ZCCHC2: variants seen among roughly 807,000 people sequenced by gnomAD.
ZCCHC2 encodes the protein zinc finger CCHC-type containing 2.
Under a neutral mutation model 103.6 loss-of-function variants are expected in ZCCHC2, and 39 were observed. The observed-to-expected ratio is 0.38, with a 90% CI of 0.29 to 0.49. The LOEUF (loss-of-function observed/expected upper bound fraction) is 0.49. Among genes scored for constraint, ZCCHC2 ranks in the 20% least tolerant of loss-of-function variants. ZCCHC2 has a pLI of 0.96. For missense variants in ZCCHC2, 1,483 were observed against 1,491.0 expected (o/e 0.99, Z 0.09); for synonymous variants, 687 against 608.9 (o/e 1.13, Z -1.89).
chr18:62,567,545 G>A (rs1279154204), intron 11 of ZCCHC2, among the ~76,000 whole-genome samples: 2 of 152,186 alleles, frequency 1.3e-5, no homozygotes, highest in African/African-American at 4.8e-5. Flanking sequence ...CGCAGTCAGC[G>A]CCGTCAGCTG....
chr18:62,574,854 G>C lies in ZCCHC2; in HGVS notation c.2773G>C (p.Ala925Pro), dbSNP rs1472622164. The change falls in exon 13 of 14, where the codon GCC becomes CCC. Residue 925 changes from alanine to proline, a missense_variant. Around this residue, in one of 3 missense-constraint regions of ZCCHC2, gnomAD observed 884 missense variants for 907.5 expected, o/e 0.97. Coordinates refer to ENST00000269499, the MANE Select transcript of ZCCHC2 (RefSeq NM_017742.6). ...SYPLPGSPLA[A>P]GVLPSQNSSV... is the part of the protein sequence containing the mutation. ...CCCCTTACCAGGCTCTCCCCTTGCT[G>C]CCGGCGTGTTACCCAGCCAGAACTC... The C allele has an allele frequency of 2.5e-6, 4 of 1,613,746 alleles. No individual in the cohort carries two copies. The East Asian group carries it at 8.9e-5, about 36-fold the overall frequency.
intron 1 of ZCCHC2, among the ~76,000 whole-genome samples, chr18:62,533,264 G>A (rs1431334056): frequency 1.3e-5 from 2 of 152,130 alleles, no homozygotes; most frequent in South Asian, 2.1e-4. Context: ...GGTGGCTTAC[G>A]CCTGTAATCC....
At chr18:62,559,064 T>G (rs1450158994) in intron 7 of ZCCHC2, among the ~76,000 whole-genome samples, 5 of 152,244 alleles carry the variant, frequency 3.3e-5, no homozygotes, top group Admixed American at 3.3e-4. Flanking sequence ...GCAGAAGACA[T>G]TCAAGTGAAT....
intron 1 of ZCCHC2, among the ~76,000 whole-genome samples, chr18:62,532,475 A>G (rs569169911): frequency 2.0e-4 from 30 of 152,220 alleles, no homozygotes; most frequent in Non-Finnish European, 3.8e-4. Flanking sequence ...CTAAAGCAAC[A>G]TTTAATCATA....
At position 62,575,021 on chromosome 18, in the gene ZCCHC2, C is replaced by T. The variant is rs533096174; in HGVS notation, c.2940C>T (p.Thr980=). The change falls in exon 13 of 14, where the codon ACC becomes ACT. Residue 980 remains threonine (T), a synonymous_variant. Coordinates refer to ENST00000269499, the MANE Select transcript of ZCCHC2 (RefSeq NM_017742.6). ...CAAGCCCTGCCTTGACACACAGTAC[C>T]GCGCAGAGTGACAGCACCTCTTACA... is the stretch of plus-strand genomic sequence containing the variant. ...PSPSPALTHS[T]AQSDSTSYIS... 37 of 1,614,000 alleles carry T rather than the reference C, an allele frequency of 2.3e-5. No homozygotes were observed. Among genetic ancestry groups the T allele is most frequent in the East Asian group, 1.3e-4 (6 of 44,880 alleles).
rs765981284 is a variant in ZCCHC2, at chr18:62,570,225, G to T, written c.1969G>T (p.Asp657Tyr). The change falls in exon 12 of 14, where the codon GAC becomes TAC. Residue 657 changes from aspartate to tyrosine, a missense_variant. By Grantham distance (160) the Asp-to-Tyr change is radical. Coordinates refer to ENST00000269499, the MANE Select transcript of ZCCHC2 (RefSeq NM_017742.6). ...RESFESEEEK[D>Y]RDTDSNSEDS... ...AAGTTTTGAAAGTGAAGAAGAGAAA[G>T]ACAGAGGTTTGCTCTTTGAAGTGGG... 6.2e-7 allele frequency: 1 copy of T among 1,611,482 alleles called. No individual in the cohort carries two copies. Among genetic ancestry groups the T allele is most frequent in the South Asian group, 1.1e-5 (1 of 90,356 alleles).
intron 5 of ZCCHC2, 58 bp from the exon 6 acceptor site, chr18:62,556,145 G>T: frequency 7.2e-7 from 1 of 1,383,922 alleles, no homozygotes. Context: ...TTGAAACTGA[G>T]CTTCTTGTGG....
rs764399594 is a variant in ZCCHC2, at chr18:62,574,396, T to C, written c.2315T>C (p.Ile772Thr). 9.3e-6 allele frequency: 15 copies of C among 1,613,910 alleles called. No individual in the cohort carries two copies. The highest frequency in any genetic ancestry group is 1.3e-5 in the Non-Finnish European group (15 of 1,179,904). Residue 772 changes from isoleucine (I) to threonine (T), a missense_variant, in exon 13 of 14, where the codon ATA becomes ACA. Physicochemically the swap from Ile to Thr is moderately conservative, Grantham distance 89 (BLOSUM62 -1). This residue lies in a region of ZCCHC2 where 884 missense variants were observed against 907.5 expected (regional missense o/e 0.97). Transcript: ENST00000269499. The stretch of plus-strand genomic sequence containing the variant: ...TCTGCAAATTCAACCCCTGTTGGAA[T>C]ACTAGGGCCAACAGCTTGCACTGGA... ...RESANSTPVGILGPTACTGES... is the reference protein window; with the variant it reads ...RESANSTPVGTLGPTACTGES...
chr18:62,557,053 G>C (rs1309266379), intron 6 of ZCCHC2, among the ~76,000 whole-genome samples: 1 of 152,082 alleles, frequency 6.6e-6, no homozygotes, highest in African/African-American at 2.4e-5. Flanking sequence ...ACATCCTTTT[G>C]TCATAGCCCA....
downstream of ZCCHC2, among the ~76,000 whole-genome samples, chr18:62,582,668 C>T (rs909809586): frequency 6.6e-6 from 1 of 151,400 alleles, no homozygotes; most frequent in Non-Finnish European, 1.5e-5. Context: ...GACAGTGAGA[C>T]TTCATCTCAA....
At position 62,564,627 on chromosome 18, in the gene ZCCHC2, A is replaced by G. The variant is rs553504792; in HGVS notation, c.1743A>G (p.Gln581=). 7.1e-6 allele frequency: 11 copies of G among 1,543,610 alleles called. No individual in the cohort carries two copies. Among genetic ancestry groups the G allele is most frequent in the South Asian group, 6.1e-5 (5 of 82,558 alleles). The change falls in exon 10 of 14, where the codon CAA becomes CAG. Residue 581 remains glutamine, a synonymous_variant. Transcript: ENST00000269499. ...SSINKKKGKP[Q]TEKEKIKKTD... is the part of the protein sequence containing the mutation. Reference sequence around the variant, plus strand: ...TAAATAAGAAGAAAGGAAAGCCACAAACAGAAAAGTAGGTTCAATTTAAGG... The same window carrying G: ...TAAATAAGAAGAAAGGAAAGCCACAGACAGAAAAGTAGGTTCAATTTAAGG...
chr18:62,576,483 G>T, intron 13 of ZCCHC2, 29 bp from the exon 14 acceptor site: 1 of 1,596,252 alleles, frequency 6.3e-7, no homozygotes, highest in Non-Finnish European at 8.6e-7. Context: ...CTTGTAAGCG[G>T]TGACTTAGTT....
chr18:62,549,150 T>C (rs1020819314), intron 4 of ZCCHC2, among the ~76,000 whole-genome samples: 27 of 145,882 alleles, frequency 1.9e-4, no homozygotes, highest in East Asian at 8.2e-4. Context: ...ACCCGGGAGG[T>C]GGAGCTTGCA....
intron 2 of ZCCHC2, among the ~76,000 whole-genome samples, chr18:62,541,131 A>G (rs546777238): frequency 6.6e-6 from 1 of 152,290 alleles, no homozygotes; most frequent in Non-Finnish European, 1.5e-5. Context: ...GCTTTTGGAA[A>G]CAGCATACCC....
Position 62,523,372 on chromosome 18 carries a change from C to CGCGGGGGGG in ZCCHC2, c.-49_-48insGGGGGGCGG. ...CGCCGCCTCGGCCCGTGCTCCACCT[C>CGCGGGGGGG]GCGGCCCCTCCCGCCCGCCCCCGCT... On this transcript the variant is annotated 5_prime_UTR_variant, in exon 1 of 14. Coordinates refer to ENST00000269499, the MANE Select transcript of ZCCHC2 (RefSeq NM_017742.6). The CGCGGGGGGG allele has an allele frequency of 2.0e-6, 2 of 1,014,084 alleles. No homozygotes were observed. Among genetic ancestry groups the CGCGGGGGGG allele is most frequent in the Non-Finnish European group, 2.4e-6 (2 of 850,406 alleles). 62.8% of individuals were successfully genotyped at this position (1,014,084 alleles called of 1,614,324 possible). A position where few individuals can be genotyped will look rare whatever the true frequency, so the allele number is the denominator to read the frequency against.
intron 1 of ZCCHC2, among the ~76,000 whole-genome samples, chr18:62,535,746 A>G (rs930058151): frequency 1.3e-5 from 2 of 152,244 alleles, no homozygotes; most frequent in African/African-American, 2.4e-5. Context: ...GCCTAGATCC[A>G]CTGGGTGGGG....
chr18:62,555,994 T>G (rs1450834313), intron 5 of ZCCHC2, among the ~76,000 whole-genome samples: 2 of 152,192 alleles, frequency 1.3e-5, no homozygotes, highest in African/African-American at 4.8e-5. Flanking sequence ...ATGAACCTAT[T>G]TAGTCGATTC....
At chr18:62,558,794 A>G in intron 7 of ZCCHC2, 24 bp downstream of exon 7, 1 of 1,461,944 alleles carries the variant, frequency 6.8e-7, no homozygotes, top group Non-Finnish European at 9.2e-7. Context: ...CACTAGAGTA[A>G]ATCATTCTGC....
intron 10 of ZCCHC2, 81 bp from the exon 11 acceptor site, chr18:62,564,921 A>C: frequency 9.7e-7 from 1 of 1,033,582 alleles, no homozygotes; most frequent in East Asian, 2.5e-5. Flanking sequence ...AGAGTCTTGA[A>C]GGAAATTTTA....
Sources: gnomAD v4.1 joint callset for allele counts (sites outside exome capture counted in the v4.1 genomes callset) on GRCh38, gnomAD v4.1.1 for gene constraint, gnomAD v4.1.1 regional missense constraint, MANE v1.5 for transcripts, NCBI Gene and HGNC (gene_info 2026-07-23, HGNC 2026-07-21) for gene names.